The following TMEM161A variants were observed in gnomAD, a reference collection of about 807,000 sequenced individuals.
TMEM161A encodes the protein transmembrane protein 161A.
A neutral mutation model predicts 57.1 loss-of-function variants in TMEM161A; 46 were observed. The observed-to-expected ratio is 0.81, with a 90% CI of 0.64 to 1.03. TMEM161A has a LOEUF of 1.03. Among genes scored for constraint, TMEM161A ranks in the 50% least tolerant of loss-of-function variants. TMEM161A has a pLI of 0.00. For missense variants in TMEM161A, 601 were observed against 621.5 expected, an observed-to-expected ratio of 0.97 and a Z score of 0.35; for synonymous variants, 288 against 279.0, an observed-to-expected ratio of 1.03 and a Z score of -0.32.
intron 6 of TMEM161A, among the ~76,000 whole-genome samples, chr19:19,125,117 C>T (rs1446574844): frequency 6.6e-6 from 1 of 151,994 alleles, no homozygotes; most frequent in African/African-American, 2.4e-5. Flanking sequence ...AGGAGGTACG[C>T]CAGTACTGTT....
At chr19:19,134,372 T>C (rs2059974709) in intron 2 of TMEM161A, among the ~76,000 whole-genome samples, 1 of 151,944 alleles carries the variant, frequency 6.6e-6, no homozygotes, top group Non-Finnish European at 1.5e-5. Context: ...GAGGCCAAAG[T>C]GGTAGGATCG....
At chr19:19,128,228 CTTTT>C (rs531458159) in intron 6 of TMEM161A, among the ~76,000 whole-genome samples, 1 of 120,768 alleles carries the variant, frequency 8.3e-6, no homozygotes, top group African/African-American at 3.2e-5. Context: ...TCTAAATAGA[CTTTT>C]TTTTTTTTTT....
In TMEM161A at chr19:19,119,893, G is replaced by C. The variant is rs532451412; in HGVS notation, c.*37C>G. On this transcript the variant is annotated 3_prime_UTR_variant, in exon 12 of 12. Coordinates refer to ENST00000162044, the MANE Select transcript of TMEM161A (RefSeq NM_017814.3). ...GCAGGCTAGTGTCCCGCTGCCCCAG[G>C]AACAGACCTCAGGGCCCCAGGAGGG... 4 of 1,545,378 alleles carry C rather than the reference G, an allele frequency of 2.6e-6. No individual in the cohort carries two copies. The African/African-American group carries it at 5.5e-5, about 21-fold the overall frequency.
chr19:19,126,033 A>C (rs931870088), intron 6 of TMEM161A, among the ~76,000 whole-genome samples: 14 of 151,976 alleles, frequency 9.2e-5, no homozygotes, highest in Admixed American at 9.2e-4. Context: ...TGGGAGGCTG[A>C]GGCGGGTGGA....
At chr19:19,133,096 TC>T (rs1383052645) in intron 3 of TMEM161A, 33 bp downstream of exon 3, 17 of 1,603,574 alleles carry the variant, frequency 1.1e-5, no homozygotes, top group Non-Finnish European at 1.4e-5. Flanking sequence ...GGAGCCACCC[TC>T]CCAAGGCTGG....
intron 1 of TMEM161A, among the ~76,000 whole-genome samples, chr19:19,136,979 C>T (rs949798433): frequency 1.3e-5 from 2 of 149,598 alleles, no homozygotes; most frequent in African/African-American, 4.9e-5. Flanking sequence ...CTCTCTCCGA[C>T]CTCTCTCCTG....
At chr19:19,125,161 G>A (rs1237791639) in intron 6 of TMEM161A, among the ~76,000 whole-genome samples, 1 of 152,118 alleles carries the variant, frequency 6.6e-6, no homozygotes, top group Non-Finnish European at 1.5e-5. Flanking sequence ...CACCAAAGGG[G>A]AAGGATCAGA....
Position 19,121,053 on chromosome 19 carries a change from G to C in TMEM161A, c.1028C>G (p.Ala343Gly). The C allele has an allele frequency of 1.2e-6, 2 of 1,611,976 alleles. No individual in the cohort carries two copies. Among genetic ancestry groups the C allele is most frequent in the African/African-American group, 2.7e-5 (2 of 75,036 alleles). The change falls in exon 10 of 12, where the codon GCC becomes GGC. Residue 343 changes from alanine (A) to glycine (G), a missense_variant. Coordinates refer to ENST00000162044, the MANE Select transcript of TMEM161A (RefSeq NM_017814.3). The surrounding 1 kb of genome is among the most constrained non-coding windows in gnomAD (Gnocchi z 5.8). ...HLQAYLCLAK[A>G]RVEQLRREAG... ...CTCCCTTCGCAGCTGCTCCACCCGG[G>C]CCTTGGCCAGGCACAGGTAGGCCTG...
In TMEM161A at chr19:19,121,318, G is replaced by T; in HGVS notation, c.904C>A (p.Arg302Ser). 1 of 1,566,304 alleles carries T rather than the reference G, an allele frequency of 6.4e-7. No individual in the cohort carries two copies. Residue 302 changes from arginine (R) to serine (S), a missense_variant, in exon 9 of 12, where the codon CGT becomes AGT. Coordinates refer to ENST00000162044, the MANE Select transcript of TMEM161A (RefSeq NM_017814.3). This position sits in a 1 kb window ranked among gnomAD's most constrained non-coding sequence, Gnocchi z 5.8. ...FLHQPPFGET[R>S]FSLLSDSAFD... Reference sequence around the variant, plus strand: ...CCACCCAATACGCACAGGGAGAAACGCGTCTCCCCAAACGGCGGCTGGTGC... The same window carrying T: ...CCACCCAATACGCACAGGGAGAAACTCGTCTCCCCAAACGGCGGCTGGTGC...
chr19:19,120,171 C>A lies in TMEM161A; in HGVS notation c.1199G>T (p.Trp400Leu). 6.4e-7 allele frequency: 1 copy of A among 1,550,516 alleles called. No individual in the cohort carries two copies. Among genetic ancestry groups the A allele is most frequent in the East Asian group, 2.4e-5 (1 of 42,036 alleles). ...TAGTAGAGGAGCTGGGCCCAGGCCC[C>A]AGGAATAGCCTCCTAGGAGAAGAGG... ...LLLKTLGGYS[W>L]GLGPAPLLSP... The change falls in exon 12 of 12, where the codon TGG becomes TTG. Residue 400 changes from tryptophan (W) to leucine (L), a missense_variant. Physicochemically the swap from Trp to Leu is moderately conservative, Grantham distance 61 (BLOSUM62 -2). Transcript: ENST00000162044.
At chr19:19,122,105 C>G (rs762995028) in intron 6 of TMEM161A, among the ~76,000 whole-genome samples, 2 of 152,110 alleles carry the variant, frequency 1.3e-5, no homozygotes, top group Non-Finnish European at 2.9e-5. Flanking sequence ...CCAGCCTGGC[C>G]AATGCAGTGA....
Position 19,132,915 on chromosome 19 carries a change from T to G in TMEM161A, c.189-161A>C. On this transcript the variant is annotated intron_variant, in intron 3 of 11. Coordinates refer to ENST00000162044, the MANE Select transcript of TMEM161A (RefSeq NM_017814.3). This position sits in a 1 kb window ranked among gnomAD's most constrained non-coding sequence, Gnocchi z 4.3. Reference sequence around the variant, plus strand: ...GGATCCCCCCACCCACCCACAGGACTGGCTAGAGCAAACTGCCAGGAAACA... The same window carrying G: ...GGATCCCCCCACCCACCCACAGGACGGGCTAGAGCAAACTGCCAGGAAACA... 1.4e-6 allele frequency: 1 copy of G among 729,076 alleles called. No individual in the cohort carries two copies. Among genetic ancestry groups the G allele is most frequent in the Non-Finnish European group, 2.2e-6 (1 of 450,326 alleles). 45.2% of individuals were successfully genotyped at this position (729,076 alleles called of 1,614,324 possible). A position where few individuals can be genotyped will look rare whatever the true frequency, so the allele number is the denominator to read the frequency against.
chr19:19,131,328 T>A (rs2059957233), intron 5 of TMEM161A, among the ~76,000 whole-genome samples: 1 of 152,030 alleles, frequency 6.6e-6, no homozygotes, highest in Admixed American at 6.6e-5. Context: ...ATTCTTTCTG[T>A]GCTTCCTCAG....
rs374450514 is a variant in TMEM161A, at chr19:19,122,838, A to G, written c.596-1019T>C. On this transcript the variant is annotated intron_variant, in intron 6 of 11. Transcript: ENST00000162044. Reference sequence around the variant, plus strand: ...AATCACCAAATGCATAAGGAAACAAATCACCATAAAGGAGAGTTAACAGAA... The same window carrying G: ...AATCACCAAATGCATAAGGAAACAAGTCACCATAAAGGAGAGTTAACAGAA... 3.3e-5 allele frequency among the ~76,000 whole-genome samples: 5 copies of G among 152,224 alleles called. No individual in the cohort carries two copies. In the South Asian group the frequency reaches 8.3e-4, roughly 25 times the overall value.
In TMEM161A at chr19:19,121,743, C is replaced by T. The variant is rs897012980; in HGVS notation, c.656+16G>A. 2.5e-6 allele frequency: 4 copies of T among 1,613,960 alleles called. No homozygotes were observed. Among genetic ancestry groups the T allele is most frequent in the Non-Finnish European group, 3.4e-6 (4 of 1,179,890 alleles). The stretch of plus-strand genomic sequence containing the variant: ...CCAGCCTGCCCTTGCCTCCCTCCCC[C>T]ATTCCCAGGACTCACGCCCAGTCCC... On this transcript the variant is annotated intron_variant, in intron 7 of 11. Transcript: ENST00000162044. The surrounding 1 kb of genome is among the most constrained non-coding windows in gnomAD (Gnocchi z 5.8).
In TMEM161A at chr19:19,133,198, G is replaced by A. The variant is rs765684838; in HGVS notation, c.120C>T (p.Tyr40=). 1.3e-4 allele frequency: 211 copies of A among 1,614,078 alleles called. No homozygotes were observed. The highest frequency in any genetic ancestry group is 1.7e-4 in the Non-Finnish European group (202 of 1,180,022). Residue 40 remains tyrosine (Y), a synonymous_variant, in exon 3 of 12, where the codon TAC becomes TAT. Coordinates refer to ENST00000162044, the MANE Select transcript of TMEM161A (RefSeq NM_017814.3). ...WLLCNGSLFR[Y]KHPSEEELRA... is the part of the protein sequence containing the mutation. Reference sequence around the variant, plus strand: ...GAAGCTCCTCCTCAGACGGGTGCTTGTATCGGAACAAACTGAGAGCAAGGA... The same window carrying A: ...GAAGCTCCTCCTCAGACGGGTGCTTATATCGGAACAAACTGAGAGCAAGGA...
intron 1 of TMEM161A, among the ~76,000 whole-genome samples, chr19:19,136,528 C>T (rs997508378): frequency 3.3e-5 from 5 of 151,712 alleles, no homozygotes; most frequent in African/African-American, 9.7e-5. Context: ...TGGTGGTGGG[C>T]GCCTGTAATC....
At chr19:19,120,599 C>T (rs893938781) in intron 11 of TMEM161A, among the ~76,000 whole-genome samples, 166 bp downstream of exon 11, 3 of 151,740 alleles carry the variant, frequency 2.0e-5, no homozygotes, top group African/African-American at 7.3e-5. Flanking sequence ...AAGGCAAGCC[C>T]CACTCCAGGC....
In TMEM161A at chr19:19,134,893, G is replaced by A. The variant is rs766417231; in HGVS notation, c.4-6C>T. ...AGCTGTACTCCGAGGACCGCCTGGG[G>A]GGAGGGGACATGACTGGCAGCACCT... is the stretch of plus-strand genomic sequence containing the variant. On this transcript the variant is annotated splice_region_variant and splice_polypyrimidine_tract_variant and intron_variant, in intron 1 of 11. Coordinates refer to ENST00000162044, the MANE Select transcript of TMEM161A (RefSeq NM_017814.3). 5.7e-6 allele frequency: 9 copies of A among 1,574,256 alleles called. No individual in the cohort carries two copies. In the South Asian group the frequency reaches 9.3e-5, roughly 16 times the overall value.
Sources: gnomAD v4.1 joint callset for allele counts (sites outside exome capture counted in the v4.1 genomes callset) on GRCh38, gnomAD v4.1.1 for gene constraint, Gnocchi (gnomAD v3.1) non-coding constraint, MANE v1.5 for transcripts, NCBI Gene and HGNC (gene_info 2026-07-23, HGNC 2026-07-21) for gene names.